The following FMNL3 variants were observed in gnomAD, a reference collection of about 807,000 sequenced individuals.
The protein encoded by FMNL3 is formin like 3, also known as formin-like protein 3.
Under a neutral mutation model 119.6 loss-of-function variants are expected in FMNL3, and 57 were observed. The ratio of observed to expected loss-of-function variants is 0.48; its 90% CI spans 0.39 to 0.59. The LOEUF (loss-of-function observed/expected upper bound fraction) is 0.59. Among genes scored for constraint, FMNL3 ranks in the 20% least tolerant of loss-of-function variants. The pLI is 0.00. For synonymous variants in FMNL3, 491 were observed against 507.3 expected (o/e 0.97, Z 0.43); for missense variants, 1,053 against 1,323.5 (o/e 0.80, Z 3.17).
intron 1 of FMNL3, among the ~76,000 whole-genome samples, chr12:49,701,617 G>A (rs1267083117): frequency 6.6e-6 from 1 of 152,130 alleles, no homozygotes; most frequent in Non-Finnish European, 1.5e-5. Flanking sequence ...ATGGACCATC[G>A]TACAAGCATT....
intron 1 of FMNL3, among the ~76,000 whole-genome samples, chr12:49,706,163 T>C (rs1945042320): frequency 6.6e-6 from 1 of 152,206 alleles, no homozygotes; most frequent in South Asian, 2.1e-4. Flanking sequence ...TTCTGGCTCC[T>C]TCCCGGTGAT....
chr12:49,687,961 C>G (rs1944509969), intron 1 of FMNL3, among the ~76,000 whole-genome samples: 1 of 152,188 alleles, frequency 6.6e-6, no homozygotes, highest in African/African-American at 2.4e-5. Context: ...GAACAGCACC[C>G]AGGGAGGAGA....
chr12:49,692,720 A>C (rs1349782483), intron 1 of FMNL3, among the ~76,000 whole-genome samples: 1 of 152,210 alleles, frequency 6.6e-6, no homozygotes, highest in African/African-American at 2.4e-5. Context: ...TACAGTGATA[A>C]GCAAACATAA....
At position 49,637,377 on chromosome 12, in the gene FMNL3, T is replaced by C; in HGVS notation, c.*8438A>G. On this transcript the variant is annotated 3_prime_UTR_variant, in exon 26 of 26. Transcript: ENST00000335154. ...GCATTTCCTCAATCTTGATTGTCCC[T>C]GCCTCTTCCTCTGCCATTCCCTCTC... 1 of 814,494 alleles carries C rather than the reference T, an allele frequency of 1.2e-6. No homozygotes were observed. The highest frequency in any genetic ancestry group is 2.0e-6 in the Non-Finnish European group (1 of 491,854). The allele number at this position is 814,494 out of a possible 1,614,324, so 50.5% of individuals were successfully genotyped here. A position where few individuals can be genotyped will look rare whatever the true frequency, so the allele number is the denominator to read the frequency against.
At position 49,642,066 on chromosome 12, in the gene FMNL3, T is replaced by G; in HGVS notation, c.*3749A>C. On this transcript the variant is annotated 3_prime_UTR_variant, in exon 26 of 26. Transcript: ENST00000335154. The surrounding 1 kb of genome is among the most constrained non-coding windows in gnomAD (Gnocchi z 5.8). Reference sequence around the variant, plus strand: ...GGCGTGGGAAGTTCTCTAATTCATCTGTGTCTTGCTCCATTCCTTCTCACT... The same window carrying G: ...GGCGTGGGAAGTTCTCTAATTCATCGGTGTCTTGCTCCATTCCTTCTCACT... 1 of 1,606,222 alleles carries G rather than the reference T, an allele frequency of 6.2e-7. No individual in the cohort carries two copies. Among genetic ancestry groups the G allele is most frequent in the East Asian group, 2.2e-5 (1 of 44,834 alleles).
intron 1 of FMNL3, among the ~76,000 whole-genome samples, chr12:49,694,435 T>C (rs1944696749): frequency 6.6e-6 from 1 of 152,138 alleles, no homozygotes; most frequent in Non-Finnish European, 1.5e-5. Context: ...TTCCGTCACA[T>C]GTGTAAACTG....
chr12:49,647,442 G>A lies in FMNL3; in HGVS notation c.2779-74C>T. ...GAGGGGAGGGGCTGACACTGAGGTG[G>A]AGAGTGGGTGGCAGTGGGACCCGCT... On this transcript the variant is annotated intron_variant, in intron 23 of 25. Coordinates refer to ENST00000335154, the MANE Select transcript of FMNL3 (RefSeq NM_175736.5). This position sits in a 1 kb window ranked among gnomAD's most constrained non-coding sequence, Gnocchi z 4.9. 6.6e-7 allele frequency: 1 copy of A among 1,508,130 alleles called. No individual in the cohort carries two copies. Among genetic ancestry groups the A allele is most frequent in the African/African-American group, 1.4e-5 (1 of 73,146 alleles). 93.4% of individuals were successfully genotyped at this position (1,508,130 alleles called of 1,614,324 possible).
At chr12:49,652,323 A>C in intron 13 of FMNL3, 111 bp from the exon 14 acceptor site, 2 of 1,451,346 alleles carry the variant, frequency 1.4e-6, no homozygotes, top group Non-Finnish European at 1.8e-6. Context: ...CTGTCAGGGT[A>C]CTCAGAGGCT....
chr12:49,657,052 G>C (rs1197633399), intron 7 of FMNL3, 30 bp downstream of exon 7: 4 of 1,598,640 alleles, frequency 2.5e-6, no homozygotes, highest in African/African-American at 1.3e-5. Flanking sequence ...AGAAGAAGTA[G>C]AGCACCTATG....
chr12:49,700,507 G>T (rs1944878163), intron 1 of FMNL3, among the ~76,000 whole-genome samples: 1 of 150,282 alleles, frequency 6.7e-6, no homozygotes, highest in African/African-American at 2.5e-5. Flanking sequence ...GTGAGGTCAG[G>T]AGTTTGAGAT....
At position 49,686,534 on chromosome 12, in the gene FMNL3, C is replaced by T. The variant is rs941640584; in HGVS notation, c.127-17980G>A. On this transcript the variant is annotated intron_variant, in intron 1 of 25. Coordinates refer to ENST00000335154, the MANE Select transcript of FMNL3 (RefSeq NM_175736.5). ...CGGAGCTTGCAGTGAGCAGAGATTCCGCCACTGCACTCCAGCCTGGGCGAC... is the reference window on the plus strand; with the variant it reads ...CGGAGCTTGCAGTGAGCAGAGATTCTGCCACTGCACTCCAGCCTGGGCGAC... Among the ~76,000 whole-genome samples, 12 of 147,804 alleles carry T rather than the reference C, an allele frequency of 8.1e-5. No homozygotes were observed. The East Asian group carries it at 1.8e-3, about 22-fold the overall frequency.
At chr12:49,681,291 C>A (rs923466478) in intron 1 of FMNL3, among the ~76,000 whole-genome samples, 1 of 152,192 alleles carries the variant, frequency 6.6e-6, no homozygotes, top group African/African-American at 2.4e-5. Flanking sequence ...AGCTCCGCCT[C>A]CCGGGTTCAC....
intron 1 of FMNL3, among the ~76,000 whole-genome samples, chr12:49,687,828 C>T: frequency 6.6e-6 from 1 of 152,162 alleles, no homozygotes; most frequent in South Asian, 2.1e-4. Context: ...TTCCAGAAAG[C>T]CCTATAAACC....
intron 1 of FMNL3, among the ~76,000 whole-genome samples, chr12:49,706,461 C>A (rs1945050597): frequency 6.6e-6 from 1 of 152,252 alleles, no homozygotes. Context: ...TCTAACTTAG[C>A]AGGATGCCTG....
chr12:49,655,295 G>C (rs1175353873), intron 9 of FMNL3, among the ~76,000 whole-genome samples: 1 of 152,192 alleles, frequency 6.6e-6, no homozygotes, highest in East Asian at 1.9e-4. Context: ...AGCCGGGCAT[G>C]GTGGCACATG....
chr12:49,660,187 C>A (rs746584748), intron 5 of FMNL3, among the ~76,000 whole-genome samples: 5 of 152,188 alleles, frequency 3.3e-5, no homozygotes, highest in Non-Finnish European at 7.3e-5. Flanking sequence ...TTTAGCCTCA[C>A]CCTTTCCCTC....
chr12:49,665,861 C>T lies in FMNL3; in HGVS notation c.339G>A (p.Leu113=), dbSNP rs768101193. 1.2e-6 allele frequency: 2 copies of T among 1,614,192 alleles called. No individual in the cohort carries two copies. Among genetic ancestry groups the T allele is most frequent in the Non-Finnish European group, 1.7e-6 (2 of 1,180,044 alleles). ...TGTGGTTGGTGCGAAGAGAGATCTC[C>T]AGCTCCCTTAGTACTTTGGTTGACT... ...VQESTKVLRE[L]EISLRTNHIG... is the part of the protein sequence containing the mutation. Residue 113 remains leucine, a synonymous_variant, in exon 4 of 26, where the codon CTG becomes CTA. Coordinates refer to ENST00000335154, the MANE Select transcript of FMNL3 (RefSeq NM_175736.5).
At chr12:49,650,008 G>GTGTC in intron 17 of FMNL3, 83 bp from the exon 18 acceptor site, 3 of 1,224,498 alleles carry the variant, frequency 2.4e-6, no homozygotes, top group Non-Finnish European at 3.4e-6. Context: ...GCTCCTAGAA[G>GTGTC]AACTGGACAG....
rs555796683 is a variant in FMNL3, at chr12:49,641,268, TAA to T, written c.*4545_*4546del. ...GGTGGCCTCCGTTTCTCCCATGGAC[TAA>T]GTCATCTGGGTGGGTGTGGTGCTTG... On this transcript the variant is annotated 3_prime_UTR_variant, in exon 26 of 26. Transcript: ENST00000335154. 2.6e-5 allele frequency: 4 copies of T among 152,330 alleles called. No individual in the cohort carries two copies. The highest frequency in any genetic ancestry group is 5.9e-5 in the Non-Finnish European group (4 of 68,138). The allele number at this position is 152,330 out of a possible 1,614,324, so 9.4% of individuals were successfully genotyped here. A position where few individuals can be genotyped will look rare whatever the true frequency, so the allele number is the denominator to read the frequency against.
Sources: gnomAD v4.1 joint callset for allele counts (sites outside exome capture counted in the v4.1 genomes callset) on GRCh38, gnomAD v4.1.1 for gene constraint, Gnocchi (gnomAD v3.1) non-coding constraint, MANE v1.5 for transcripts, NCBI Gene and HGNC (gene_info 2026-07-23, HGNC 2026-07-21) for gene names.